Variants in XKR4 observed in about 807,000 individuals in gnomAD.
The protein encoded by XKR4 is XK-related protein 4.
XKR4 carries 12 observed loss-of-function variants against 53.9 expected under a neutral mutation model. That is an observed-to-expected ratio of 0.22 (90% CI 0.14 to 0.36). The LOEUF (loss-of-function observed/expected upper bound fraction) is 0.36, where lower values mean the gene tolerates loss of function less well. XKR4 is among the 10% of genes least tolerant of loss of function. The probability of loss-of-function intolerance (pLI) is 1.00; values close to 1 mark genes in which losing one functional copy is unlikely to be tolerated. For missense variants in XKR4, 799 were observed against 859.5 expected (o/e 0.93, Z 0.88); for synonymous variants, 354 against 362.4 (o/e 0.98, Z 0.26).
intron 1 of XKR4, among the ~76,000 whole-genome samples, chr8:55,162,745 AT>A (rs771758674): frequency 1.8e-4 from 28 of 152,208 alleles, no homozygotes; most frequent in Non-Finnish European, 3.7e-4. Flanking sequence ...ACTGTGTGAA[AT>A]TGAACTACCC....
At chr8:55,451,602 G>A (rs554084196) in intron 2 of XKR4, 2 of 1,420,934 alleles carry the variant, frequency 1.4e-6, no homozygotes, top group African/African-American at 1.4e-5. Context: ...AGCAGACAAC[G>A]GTGAAGCGGT....
chr8:55,454,116 G>C (rs959444265), intron 2 of XKR4: 15 of 837,822 alleles, frequency 1.8e-5, no homozygotes, highest in African/African-American at 6.7e-5. Context: ...ATGGGTGGAG[G>C]GAAGGCGAGG....
intron 1 of XKR4, among the ~76,000 whole-genome samples, chr8:55,115,447 T>C (rs1816292963): frequency 6.6e-6 from 1 of 151,208 alleles, no homozygotes; most frequent in Admixed American, 6.6e-5. Context: ...AAATGTGAAA[T>C]GTTTTGAATG....
chr8:55,422,585 T>C (rs144418913), intron 2 of XKR4, among the ~76,000 whole-genome samples: 1 of 152,244 alleles, frequency 6.6e-6, no homozygotes, highest in East Asian at 1.9e-4. Flanking sequence ...CTACATCGAA[T>C]CCCAGGGAAC....
intron 1 of XKR4, among the ~76,000 whole-genome samples, chr8:55,146,562 A>T (rs1816775414): frequency 6.6e-6 from 1 of 152,192 alleles, no homozygotes; most frequent in South Asian, 2.1e-4. Flanking sequence ...GTGATTGAGA[A>T]ATTGAATTTT....
At chr8:55,299,683 G>A (rs1819154617) in intron 1 of XKR4, among the ~76,000 whole-genome samples, 1 of 152,108 alleles carries the variant, frequency 6.6e-6, no homozygotes, top group South Asian at 2.1e-4. Context: ...TTGGTGACTT[G>A]GTATACAGAG....
chr8:55,183,308 G>C (rs946836188), intron 1 of XKR4, among the ~76,000 whole-genome samples: 47 of 151,080 alleles, frequency 3.1e-4, no homozygotes, highest in African/African-American at 1.1e-3. Context: ...TATGGTAAAA[G>C]CTTAGGTTAA....
At chr8:55,452,325 C>G (rs779688585) in intron 2 of XKR4, 3 of 637,806 alleles carry the variant, frequency 4.7e-6, no homozygotes, top group East Asian at 3.1e-5. Flanking sequence ...CGGGAAGGAG[C>G]GGAACACCAC....
chr8:55,214,601 G>T (rs2129364260), intron 1 of XKR4, among the ~76,000 whole-genome samples: 1 of 152,296 alleles, frequency 6.6e-6, no homozygotes, highest in Non-Finnish European at 1.5e-5. Flanking sequence ...AAACACCACA[G>T]ATTCATTTAG....
In XKR4 at chr8:55,388,894, A is replaced by G. The variant is rs566904123; in HGVS notation, c.1006+31017A>G. Among the ~76,000 whole-genome samples the G allele has an allele frequency of 2.0e-5, 3 of 152,326 alleles. No homozygotes were observed. In the South Asian group the frequency reaches 6.2e-4, roughly 32 times the overall value. On this transcript the variant is annotated intron_variant, in intron 2 of 2. Coordinates refer to ENST00000327381, the MANE Select transcript of XKR4 (RefSeq NM_052898.2). ...CACTAAGACTTCTGTTATGGGTTGA[A>G]TTGTGACACCACAAAATATGCCTGA... is the stretch of plus-strand genomic sequence containing the variant.
intron 1 of XKR4, among the ~76,000 whole-genome samples, chr8:55,249,183 G>A (rs972800800): frequency 6.6e-6 from 1 of 152,148 alleles, no homozygotes; most frequent in African/African-American, 2.4e-5. Flanking sequence ...TTGTTGAAAG[G>A]GGTATTTCCT....
chr8:55,462,933 A>T (rs1015761057), intron 2 of XKR4, among the ~76,000 whole-genome samples: 5 of 152,186 alleles, frequency 3.3e-5, no homozygotes, highest in African/African-American at 1.2e-4. Context: ...AACTATCCTA[A>T]ATATATATGC....
In XKR4 at chr8:55,103,008, G is replaced by C; in HGVS notation, c.520G>C (p.Glu174Gln). 9 of 1,612,316 alleles carry C rather than the reference G, an allele frequency of 5.6e-6. No individual in the cohort carries two copies. Among genetic ancestry groups the C allele is most frequent in the Non-Finnish European group, 7.6e-6 (9 of 1,179,826 alleles). ...CTGGTTTGTGCACGATTTCAGCACC[G>C]AGGACAGCGCCACGGCCGCTGCTGC... ...FRWFVHDFST[E>Q]DSATAAAASS... Residue 174 changes from glutamate (E) to glutamine (Q), a missense_variant, in exon 1 of 3, where the codon GAG (glutamate) becomes CAG (glutamine). Glu to Gln is a conservative substitution (Grantham distance 29). Transcript: ENST00000327381.
Position 55,112,506 on chromosome 8 carries a change from C to T in XKR4, c.806+9212C>T, listed in dbSNP as rs190053949. 1.1e-3 allele frequency among the ~76,000 whole-genome samples: 158 copies of T among 139,346 alleles called. 1 individual carries two copies. Among genetic ancestry groups the T allele is most frequent in the Non-Finnish European group, 1.9e-3 (126 of 65,550 alleles). 91.4% of individuals were successfully genotyped at this position (139,346 alleles called of 152,430 possible). A position where few individuals can be genotyped will look rare whatever the true frequency, so the allele number is the denominator to read the frequency against. On this transcript the variant is annotated intron_variant, in intron 1 of 2. Coordinates refer to ENST00000327381, the MANE Select transcript of XKR4 (RefSeq NM_052898.2). Reference sequence around the variant, plus strand: ...AGTCTGACTTCTTTTATCTGCAGTACAGGTAATAGTCATGAATAAAGATCT... The same window carrying T: ...AGTCTGACTTCTTTTATCTGCAGTATAGGTAATAGTCATGAATAAAGATCT...
intron 1 of XKR4, among the ~76,000 whole-genome samples, chr8:55,341,078 G>A (rs1803537776): frequency 6.6e-6 from 1 of 152,164 alleles, no homozygotes; most frequent in African/African-American, 2.4e-5. Context: ...CACATCATTG[G>A]GGGTGCTGCG....
chr8:55,299,506 T>C (rs1819149050), intron 1 of XKR4, among the ~76,000 whole-genome samples: 1 of 152,190 alleles, frequency 6.6e-6, no homozygotes, highest in Non-Finnish European at 1.5e-5. Context: ...GACATAATAA[T>C]GTTTGTTTCT....
intron 2 of XKR4, among the ~76,000 whole-genome samples, chr8:55,508,950 T>C (rs1366170010): frequency 2.0e-5 from 3 of 152,164 alleles, no homozygotes; most frequent in Non-Finnish European, 4.4e-5. Flanking sequence ...GGAGAACATA[T>C]AAAACAGTTT....
At chr8:55,338,966 G>A (rs774825904) in intron 1 of XKR4, among the ~76,000 whole-genome samples, 45 of 152,260 alleles carry the variant, frequency 3.0e-4, no homozygotes, top group Middle Eastern at 6.8e-3. Flanking sequence ...TAGATAGTTT[G>A]GTGTTAGGAC....
intron 1 of XKR4, among the ~76,000 whole-genome samples, chr8:55,181,590 G>C (rs1817311922): frequency 6.6e-6 from 1 of 152,010 alleles, no homozygotes; most frequent in Admixed American, 6.6e-5. Context: ...ATTTTAGAAG[G>C]GTCATGTGGA....
Sources: allele counts gnomAD v4.1 joint callset (sites outside exome capture counted in the v4.1 genomes callset), GRCh38; gene constraint gnomAD v4.1.1; transcripts MANE v1.5; gene names NCBI Gene and HGNC (gene_info 2026-07-23, HGNC 2026-07-21).